CACNA2D1: variants seen among roughly 807,000 people sequenced by gnomAD.
CACNA2D1 encodes voltage-dependent calcium channel subunit alpha-2/delta-1.
A neutral mutation model predicts 171.5 loss-of-function variants in CACNA2D1; 53 were observed. The observed-to-expected ratio is 0.31, with a 90% CI of 0.25 to 0.39. CACNA2D1 has a LOEUF of 0.39. CACNA2D1 is among the 10% of genes least tolerant of loss of function. CACNA2D1 has a pLI of 1.00. For synonymous variants in CACNA2D1, 442 were observed against 443.1 expected (o/e 1.00, Z 0.03); for missense variants, 903 against 1,299.8 (o/e 0.69, Z 4.69).
intron 38 of CACNA2D1, among the ~76,000 whole-genome samples, chr7:81,950,903 G>A (rs1218794505): frequency 6.6e-6 from 1 of 151,978 alleles, no homozygotes; most frequent in East Asian, 1.9e-4. Flanking sequence ...TAGCAACTAT[G>A]CTCCATATGG....
Position 81,949,645 on chromosome 7 carries a change from A to T in CACNA2D1, c.*747T>A, listed in dbSNP as rs555230472. 6.6e-6 allele frequency: 1 copy of T among 152,330 alleles called. No homozygotes were observed. The highest frequency in any genetic ancestry group is 1.5e-5 in the Non-Finnish European group (1 of 68,070). 9.4% of individuals were successfully genotyped at this position (152,330 alleles called of 1,614,324 possible). A position where few individuals can be genotyped will look rare whatever the true frequency, so the allele number is the denominator to read the frequency against. ...AAAGGAACATTACATCAAAGCATTT[A>T]TTAAGGGCTTGCTTACATTTATGAG... On this transcript the variant is annotated 3_prime_UTR_variant, in exon 39 of 39. Transcript: ENST00000356860.
At chr7:82,044,231 TCTC>T (rs1659460778) in intron 10 of CACNA2D1, among the ~76,000 whole-genome samples, 2 of 152,138 alleles carry the variant, frequency 1.3e-5, no homozygotes, top group Non-Finnish European at 2.9e-5. Flanking sequence ...GAAAGACCGT[TCTC>T]CTATGTATGG....
chr7:82,252,065 T>C (rs1263636628), intron 3 of CACNA2D1, among the ~76,000 whole-genome samples: 1 of 152,240 alleles, frequency 6.6e-6, no homozygotes, highest in Non-Finnish European at 1.5e-5. Flanking sequence ...TATTAGACAA[T>C]ATAACAATGA....
At chr7:82,107,566 A>C (rs1033634473) in intron 6 of CACNA2D1, among the ~76,000 whole-genome samples, 1 of 148,980 alleles carries the variant, frequency 6.7e-6, no homozygotes, top group African/African-American at 2.5e-5. Flanking sequence ...TGGAAATTTC[A>C]CTATTACAAT....
At chr7:82,223,432 T>G (rs1295302191) in intron 3 of CACNA2D1, among the ~76,000 whole-genome samples, 2 of 152,192 alleles carry the variant, frequency 1.3e-5, no homozygotes, top group African/African-American at 2.4e-5. Context: ...GTCATAAGTT[T>G]ACTTATCCTA....
At chr7:82,214,496 C>T (rs1800905850) in intron 3 of CACNA2D1, among the ~76,000 whole-genome samples, 1 of 151,218 alleles carries the variant, frequency 6.6e-6, no homozygotes, top group African/African-American at 2.4e-5. Context: ...AAAATCCCAG[C>T]AGCTGGGAAA....
chr7:82,267,904 G>A (rs548265173), intron 3 of CACNA2D1, among the ~76,000 whole-genome samples: 1 of 152,224 alleles, frequency 6.6e-6, no homozygotes, highest in East Asian at 1.9e-4. Flanking sequence ...GCCTGAGGCA[G>A]GAGAATGGTG....
rs1297485161 is a variant in CACNA2D1 at position 82,099,419 on chromosome 7, CTTCTTTTTTTTTTTTTTTTTTTTT to C, written c.527-14543_527-14520del. Among the ~76,000 whole-genome samples the C allele has an allele frequency of 2.6e-3, 131 of 50,578 alleles. 16 individuals are homozygous for C. The highest frequency in any genetic ancestry group is 0.017 in the Middle Eastern group (1 of 60). The allele number at this position is 50,578 out of a possible 152,430, so 33.2% of individuals were successfully genotyped here. A position where few individuals can be genotyped will look rare whatever the true frequency, so the allele number is the denominator to read the frequency against. On this transcript the variant is annotated intron_variant, in intron 6 of 38. Coordinates refer to ENST00000356860, the MANE Select transcript of CACNA2D1 (RefSeq NM_000722.4). The stretch of plus-strand genomic sequence containing the variant: ...CATACTCTAAAACAGGTAGCAATAC[CTTCTTTTTTTTTTTTTTTTTTTTT>C]TTTTTTTTTTTTTTTTTTTTTTTTG...
At chr7:81,980,253 G>A (rs181242201) in intron 24 of CACNA2D1, among the ~76,000 whole-genome samples, 257 of 149,664 alleles carry the variant, frequency 1.7e-3, no homozygotes, top group African/African-American at 5.9e-3. Flanking sequence ...TTTAGAGTAC[G>A]GGTAGGGAAA....
chr7:82,331,429 C>T (rs1237345567), intron 3 of CACNA2D1, among the ~76,000 whole-genome samples: 1 of 152,084 alleles, frequency 6.6e-6, no homozygotes, highest in Non-Finnish European at 1.5e-5. Context: ...CATTCATTTA[C>T]AATACAATGT....
Position 81,947,440 on chromosome 7 carries a change from C to T in CACNA2D1, c.*2952G>A, listed in dbSNP as rs777158227. On this transcript the variant is annotated 3_prime_UTR_variant, in exon 39 of 39. Coordinates refer to ENST00000356860, the MANE Select transcript of CACNA2D1 (RefSeq NM_000722.4). ...CTAAAAATCTCTTCAATCAAACTTG[C>T]TAACTATGTCATGTTAAAAACCTGT... The T allele has an allele frequency of 4.6e-5, 7 of 151,718 alleles. No individual in the cohort carries two copies. Among genetic ancestry groups the T allele is most frequent in the Non-Finnish European group, 8.8e-5 (6 of 67,824 alleles). The allele number at this position is 151,718 out of a possible 1,614,324, so 9.4% of individuals were successfully genotyped here.
chr7:82,025,603 CTATT>C (rs1381820939), intron 12 of CACNA2D1, among the ~76,000 whole-genome samples: 2 of 151,602 alleles, frequency 1.3e-5, no homozygotes, highest in Non-Finnish European at 3.0e-5. Flanking sequence ...CAAAAGGAGA[CTATT>C]TATTTCTGCT....
At chr7:82,330,622 CAT>C (rs1817193247) in intron 3 of CACNA2D1, among the ~76,000 whole-genome samples, 1 of 151,746 alleles carries the variant, frequency 6.6e-6, no homozygotes, top group African/African-American at 2.4e-5. Context: ...GTTTAAATAC[CAT>C]ATATTTTCTT....
At chr7:82,353,350 A>G (rs915840777) in intron 1 of CACNA2D1, among the ~76,000 whole-genome samples, 2 of 152,096 alleles carry the variant, frequency 1.3e-5, no homozygotes, top group Non-Finnish European at 2.9e-5. Context: ...TGGTATAGAA[A>G]GTAAGTATAG....
intron 3 of CACNA2D1, among the ~76,000 whole-genome samples, chr7:82,285,694 C>T (rs1810673502): frequency 6.6e-6 from 1 of 152,042 alleles, no homozygotes; most frequent in African/African-American, 2.4e-5. Context: ...ACGCATGGGA[C>T]AGGACTTTTC....
At chr7:82,164,430 C>CA (rs1264365981) in intron 4 of CACNA2D1, among the ~76,000 whole-genome samples, 11 of 142,182 alleles carry the variant, frequency 7.7e-5, no homozygotes, top group South Asian at 6.5e-4. Context: ...CATTGTTAGA[C>CA]AAAAAATCTA....
intron 4 of CACNA2D1, 29 bp downstream of exon 4, chr7:82,170,521 T>C (rs1795902117): frequency 6.5e-7 from 1 of 1,531,384 alleles, no homozygotes; most frequent in Non-Finnish European, 9.1e-7. Context: ...TCAAGCTATT[T>C]AAATCAAGTA....
intron 3 of CACNA2D1, among the ~76,000 whole-genome samples, chr7:82,320,048 G>A (rs1480704619): frequency 6.6e-6 from 1 of 151,556 alleles, no homozygotes; most frequent in Non-Finnish European, 1.5e-5. Flanking sequence ...TCTGGAATCA[G>A]TAACTGCAAC....
At chr7:82,128,944 TG>T (rs1160461237) in intron 5 of CACNA2D1, among the ~76,000 whole-genome samples, 1 of 152,084 alleles carries the variant, frequency 6.6e-6, no homozygotes, top group Non-Finnish European at 1.5e-5. Context: ...TAAGGAGTAG[TG>T]GCATTACAGC....
Sources: allele counts gnomAD v4.1 joint callset (sites outside exome capture counted in the v4.1 genomes callset), GRCh38; gene constraint gnomAD v4.1.1; transcripts MANE v1.5; gene names NCBI Gene and HGNC (gene_info 2026-07-23, HGNC 2026-07-21).